ELOVL6: variants seen among roughly 807,000 people sequenced by gnomAD.
The protein encoded by ELOVL6 is very long chain fatty acid elongase 6.
In ELOVL6, 8 loss-of-function variants were observed where a neutral mutation model predicts 31.7. That is an observed-to-expected ratio of 0.25 (90% CI 0.15 to 0.45). The LOEUF (loss-of-function observed/expected upper bound fraction) is 0.45. Ranked by LOEUF, ELOVL6 falls within the 20% of genes least tolerant of loss-of-function variation. ELOVL6 has a pLI of 1.00. For synonymous variants in ELOVL6, 101 were observed against 117.7 expected, an observed-to-expected ratio of 0.86 and a Z score of 0.92; for missense variants, 126 against 326.4, an observed-to-expected ratio of 0.39 and a Z score of 4.73.
intron 1 of ELOVL6, among the ~76,000 whole-genome samples, chr4:110,195,609 G>T (rs187339128): frequency 3.9e-5 from 6 of 152,060 alleles, no homozygotes; most frequent in African/African-American, 1.4e-4. Context: ...AGCCAGCAGG[G>T]TTCTTTGACT....
At chr4:110,084,129 G>GATATAGA in intron 2 of ELOVL6, among the ~76,000 whole-genome samples, 1 of 40,382 alleles carries the variant, frequency 2.5e-5, no homozygotes, top group Non-Finnish European at 3.8e-5. Flanking sequence ...TAACATATAT[G>GATATAGA]TGATAATGAT....
At chr4:110,086,366 TATATACA>T (rs1756263975) in intron 2 of ELOVL6, among the ~76,000 whole-genome samples, 1 of 152,192 alleles carries the variant, frequency 6.6e-6, no homozygotes, top group Non-Finnish European at 1.5e-5. Flanking sequence ...GAAATACCAC[TATATACA>T]ATATTAAGGA....
chr4:110,121,970 T>C (rs1026112054), intron 1 of ELOVL6, among the ~76,000 whole-genome samples: 1 of 152,168 alleles, frequency 6.6e-6, no homozygotes, highest in Admixed American at 6.5e-5. Flanking sequence ...ATCTAGTGTT[T>C]GCCTACTTTG....
In ELOVL6 at chr4:110,084,531, TACACACACACACAC is replaced by T. The variant is rs67665852; in HGVS notation, c.221+20952_221+20965del. Among the ~76,000 whole-genome samples the T allele has an allele frequency of 1.5e-3, 104 of 70,312 alleles. 3 individuals are homozygous for T. The highest frequency in any genetic ancestry group is 5.4e-3 in the African/African-American group (69 of 12,850). The allele number at this position is 70,312 out of a possible 152,430, so 46.1% of individuals were successfully genotyped here. ...TATATGTGTATACATTATATACACT[TACACACACACACAC>T]ACACACACACACACACAGATATATA... On this transcript the variant is annotated intron_variant, in intron 2 of 3. Coordinates refer to ENST00000302274, the MANE Select transcript of ELOVL6 (RefSeq NM_024090.3).
chr4:110,189,547 T>C (rs1759546162), intron 1 of ELOVL6, among the ~76,000 whole-genome samples: 1 of 121,244 alleles, frequency 8.2e-6, no homozygotes, highest in African/African-American at 3.3e-5. Context: ...ACAGCCAAGA[T>C]CATGCCACTG....
intron 1 of ELOVL6, among the ~76,000 whole-genome samples, chr4:110,149,785 T>G (rs1758231465): frequency 6.6e-6 from 1 of 152,178 alleles, no homozygotes; most frequent in Non-Finnish European, 1.5e-5. Context: ...ATACTGGTAT[T>G]TATCTGCCTA....
chr4:110,139,723 T>C (rs1757901981), intron 1 of ELOVL6, among the ~76,000 whole-genome samples: 1 of 152,128 alleles, frequency 6.6e-6, no homozygotes, highest in Non-Finnish European at 1.5e-5. Flanking sequence ...GCCTCCCCTT[T>C]CCCAAGTCCA....
At chr4:110,177,956 C>T (rs1318555133) in intron 1 of ELOVL6, among the ~76,000 whole-genome samples, 1 of 152,140 alleles carries the variant, frequency 6.6e-6, no homozygotes, top group African/African-American at 2.4e-5. Context: ...ACTGGTCAAA[C>T]TTAAAACAAT....
intron 1 of ELOVL6, among the ~76,000 whole-genome samples, chr4:110,109,092 T>C (rs532717574): frequency 1.6e-4 from 25 of 152,202 alleles, no homozygotes; most frequent in Non-Finnish European, 3.4e-4. Context: ...AGATGAATAA[T>C]GGTTTGCCAC....
intron 1 of ELOVL6, among the ~76,000 whole-genome samples, chr4:110,181,239 G>T (rs1560860641): frequency 6.6e-6 from 1 of 152,062 alleles, no homozygotes; most frequent in Non-Finnish European, 1.5e-5. Flanking sequence ...TCGACTCCAG[G>T]AGTTCAAGAC....
At chr4:110,134,978 G>T (rs961813262) in intron 1 of ELOVL6, among the ~76,000 whole-genome samples, 4 of 152,050 alleles carry the variant, frequency 2.6e-5, no homozygotes, top group African/African-American at 9.7e-5. Context: ...GATGATGTAG[G>T]ACATAAGGTG....
intron 2 of ELOVL6, among the ~76,000 whole-genome samples, chr4:110,061,549 C>CTTTTTTTTTTTTTTTTTTTTTTTGTTT (rs1755139664): frequency 1.4e-5 from 1 of 72,366 alleles, no homozygotes; most frequent in Non-Finnish European, 2.6e-5. Context: ...CAAATGATGG[C>CTTTTTTTTTTTTTTTTTTTTTTTGTTT]TTTTTTTTTT....
intron 1 of ELOVL6, among the ~76,000 whole-genome samples, chr4:110,128,580 C>T (rs185918482): frequency 2.0e-5 from 3 of 152,206 alleles, no homozygotes; most frequent in African/African-American, 7.2e-5. Context: ...TGCATCTGTA[C>T]CCTCCCAACT....
intron 1 of ELOVL6, among the ~76,000 whole-genome samples, chr4:110,152,738 G>GT (rs1222668824): frequency 1.3e-5 from 2 of 152,326 alleles, no homozygotes; most frequent in African/African-American, 2.4e-5. Context: ...AGTGAGGATT[G>GT]TGACAACCAG....
chr4:110,054,494 AC>A lies in ELOVL6; in HGVS notation c.374-2733del, dbSNP rs369077909. Among the ~76,000 whole-genome samples, 41 of 152,320 alleles carry A rather than the reference AC, an allele frequency of 2.7e-4. No homozygotes were observed. In the East Asian group the frequency reaches 7.9e-3, roughly 29 times the overall value. On this transcript the variant is annotated intron_variant, in intron 3 of 3. Coordinates refer to ENST00000302274, the MANE Select transcript of ELOVL6 (RefSeq NM_024090.3). Reference sequence around the variant, plus strand: ...ATGTCCAAGATACTGTATGTTTAAAACAAGTTTAGTCATTCATAATTGAATA... The same window carrying A: ...ATGTCCAAGATACTGTATGTTTAAAAAAGTTTAGTCATTCATAATTGAATA...
chr4:110,197,578 C>A (rs541248820), intron 1 of ELOVL6, among the ~76,000 whole-genome samples: 1 of 152,186 alleles, frequency 6.6e-6, no homozygotes, highest in South Asian at 2.1e-4. Flanking sequence ...CGGGTTCATT[C>A]ATTTATTACT....
intron 3 of ELOVL6, 111 bp downstream of exon 3, chr4:110,059,492 T>G (rs1032931398): frequency 8.5e-7 from 1 of 1,174,754 alleles, no homozygotes; most frequent in Non-Finnish European, 1.2e-6. Flanking sequence ...TCATTGTAAC[T>G]TTCTTGCAAC....
intron 1 of ELOVL6, among the ~76,000 whole-genome samples, chr4:110,175,349 T>G (rs1759071755): frequency 6.6e-6 from 1 of 151,878 alleles, no homozygotes; most frequent in African/African-American, 2.4e-5. Flanking sequence ...GCTACTGCAC[T>G]CCAGCCTGGG....
Position 110,104,389 on chromosome 4 carries a change from C to A in ELOVL6, c.221+1108G>T, listed in dbSNP as rs1289947428. 4.6e-5 allele frequency among the ~76,000 whole-genome samples: 7 copies of A among 152,192 alleles called. 1 individual carries two copies. The East Asian group carries it at 1.4e-3, about 29-fold the overall frequency. ...TTCAAACCTAGGGCTTTAGAAATTG[C>A]ACTGAAATAAAAAGTATATTCAGTA... On this transcript the variant is annotated intron_variant, in intron 2 of 3. Coordinates refer to ENST00000302274, the MANE Select transcript of ELOVL6 (RefSeq NM_024090.3).
Sources: gnomAD v4.1 joint callset for allele counts (sites outside exome capture counted in the v4.1 genomes callset) on GRCh38, gnomAD v4.1.1 for gene constraint, MANE v1.5 for transcripts, NCBI Gene and HGNC (gene_info 2026-07-23, HGNC 2026-07-21) for gene names.